Variants in TBCD observed in about 807,000 individuals in gnomAD.
TBCD encodes the protein tubulin-specific chaperone D.
In TBCD, 105 loss-of-function variants were observed where a neutral mutation model predicts 169.3. The observed-to-expected ratio is 0.62, with a 90% CI of 0.53 to 0.73. The LOEUF is 0.73. Ranked by LOEUF, TBCD falls within the 30% of genes least tolerant of loss-of-function variation. The pLI is 0.00. For missense variants in TBCD, 1,444 were observed against 1,600.1 expected, an observed-to-expected ratio of 0.90 and a Z score of 1.66; for synonymous variants, 700 against 643.9, an observed-to-expected ratio of 1.09 and a Z score of -1.32.
chr17:82,942,525 G>GC lies in TBCD; in HGVS notation c.*64dup, dbSNP rs946373861. On this transcript the variant is annotated 3_prime_UTR_variant, in exon 39 of 39. Coordinates refer to ENST00000355528, the MANE Select transcript of TBCD (RefSeq NM_005993.5). ...TGAGGATGTCTTGTTCCTGAGGGAG[G>GC]CCGGTGTGGAAAGCCTCGCACAGTG... is the stretch of plus-strand genomic sequence containing the variant. The GC allele has an allele frequency of 6.2e-7, 1 of 1,612,252 alleles. No individual in the cohort carries two copies. The highest frequency in any genetic ancestry group is 1.3e-5 in the African/African-American group (1 of 75,022).
rs1351218045 is a variant in TBCD at position 82,923,981 on chromosome 17, C to T, written c.2260+248C>T. On this transcript the variant is annotated intron_variant, in intron 26 of 38. Transcript: ENST00000355528. The surrounding 1 kb of genome is among the most constrained non-coding windows in gnomAD (Gnocchi z 4.6). Reference sequence around the variant, plus strand: ...GGGACGCGTCTCTGTTGACGGCACCCTCTTGCTCCATCACCCAGGCTGGAG... The same window carrying T: ...GGGACGCGTCTCTGTTGACGGCACCTTCTTGCTCCATCACCCAGGCTGGAG... Among the ~76,000 whole-genome samples the T allele has an allele frequency of 2.0e-5, 3 of 152,128 alleles. No homozygotes were observed. Among genetic ancestry groups the T allele is most frequent in the African/African-American group, 4.8e-5 (2 of 41,416 alleles).
chr17:82,870,120 C>G (rs2145956674), intron 13 of TBCD, 104 bp from the exon 14 acceptor site: 1 of 1,509,212 alleles, frequency 6.6e-7, no homozygotes, highest in African/African-American at 1.4e-5. Flanking sequence ...CCTCACTCAT[C>G]TGGCACCGTG....
intron 17 of TBCD, 65 bp from the exon 18 acceptor site, chr17:82,900,586 C>T (rs2146652387): frequency 1.5e-6 from 2 of 1,305,306 alleles, no homozygotes; most frequent in Non-Finnish European, 2.2e-6. Context: ...TGCTGAATTC[C>T]CACCCACAGG....
intron 13 of TBCD, among the ~76,000 whole-genome samples, chr17:82,816,598 A>C (rs964819827): frequency 1.3e-5 from 2 of 151,564 alleles, no homozygotes; most frequent in African/African-American, 2.4e-5. Flanking sequence ...TGGTGATGCA[A>C]TCTCTGCTCA....
Position 82,782,819 on chromosome 17 carries a change from G to A in TBCD, c.771+1098G>A, listed in dbSNP as rs553009787. Among the ~76,000 whole-genome samples, 7 of 149,276 alleles carry A rather than the reference G, an allele frequency of 4.7e-5. No individual in the cohort carries two copies. Among genetic ancestry groups the A allele is most frequent in the African/African-American group, 9.9e-5 (4 of 40,302 alleles). On this transcript the variant is annotated intron_variant, in intron 7 of 38. Transcript: ENST00000355528. This position sits in a 1 kb window ranked among gnomAD's most constrained non-coding sequence, Gnocchi z 5.1. ...GCGTCGTCCTGTCTGCGGTGGCGTC[G>A]TCCTGTCTGCGGTGGCGTCCTCCTG...
Position 82,922,067 on chromosome 17 carries a change from G to T in TBCD, c.2178+490G>T, listed in dbSNP as rs191015691. Among the ~76,000 whole-genome samples, 7 of 152,236 alleles carry T rather than the reference G, an allele frequency of 4.6e-5. No individual in the cohort carries two copies. The highest frequency in any genetic ancestry group is 4.1e-4 in the South Asian group (2 of 4,822). On this transcript the variant is annotated intron_variant, in intron 25 of 38. Coordinates refer to ENST00000355528, the MANE Select transcript of TBCD (RefSeq NM_005993.5). This position sits in a 1 kb window ranked among gnomAD's most constrained non-coding sequence, Gnocchi z 4.1. ...TCCTGGGGGTTACAGGTGGACTTTG[G>T]ACTCACAGAGCTGTAACGCTGATCT... is the stretch of plus-strand genomic sequence containing the variant.
At chr17:82,799,473 C>T (rs1042699546) in intron 8 of TBCD, among the ~76,000 whole-genome samples, 5 of 130,364 alleles carry the variant, frequency 3.8e-5, no homozygotes, top group Non-Finnish European at 6.7e-5. Context: ...AGAAACTATC[C>T]GAATATCAAA....
intron 13 of TBCD, among the ~76,000 whole-genome samples, chr17:82,816,010 C>T (rs191868667): frequency 4.6e-5 from 7 of 152,170 alleles, no homozygotes; most frequent in African/African-American, 9.6e-5. Flanking sequence ...ATTTAATTTC[C>T]GAACATTTTC....
In TBCD at chr17:82,915,965, C is replaced by T. The variant is rs80206557; in HGVS notation, c.2038+4176C>T. ...CCTGTCCCCTCAGCAGAGACATGGC[C>T]GGTGCTGTCGTGCCTTTCGCTTTTA... On this transcript the variant is annotated intron_variant, in intron 23 of 38. Transcript: ENST00000355528. The surrounding 1 kb of genome is among the most constrained non-coding windows in gnomAD (Gnocchi z 4.3). 0.021 allele frequency among the ~76,000 whole-genome samples: 3,242 copies of T among 152,276 alleles called. 133 individuals carry two copies. The highest frequency in any genetic ancestry group is 0.073 in the African/African-American group (3,045 of 41,534).
In TBCD at chr17:82,945,576, G is replaced by C. The variant is rs1011069021; in HGVS notation, c.*3113G>C. On this transcript the variant is annotated 3_prime_UTR_variant, in exon 39 of 39. Coordinates refer to ENST00000355528, the MANE Select transcript of TBCD (RefSeq NM_005993.5). Reference sequence around the variant, plus strand: ...GCCCACAGCATAACATTAAAGAAGAGAACAAAATTAAGTCATTTAGATAAA... The same window carrying C: ...GCCCACAGCATAACATTAAAGAAGACAACAAAATTAAGTCATTTAGATAAA... 1 of 152,170 alleles carries C rather than the reference G, an allele frequency of 6.6e-6. No individual in the cohort carries two copies. Among genetic ancestry groups the C allele is most frequent in the Non-Finnish European group, 1.5e-5 (1 of 68,022 alleles). The allele number at this position is 152,170 out of a possible 1,614,324, so 9.4% of individuals were successfully genotyped here. A position where few individuals can be genotyped will look rare whatever the true frequency, so the allele number is the denominator to read the frequency against.
Position 82,776,716 on chromosome 17 carries a change from C to T in TBCD, c.638+4209C>T, listed in dbSNP as rs111479507. 9.5e-4 allele frequency among the ~76,000 whole-genome samples: 144 copies of T among 152,234 alleles called. 3 individuals carry two copies. The Middle Eastern group carries it at 0.01, about 11-fold the overall frequency. On this transcript the variant is annotated intron_variant, in intron 6 of 38. Coordinates refer to ENST00000355528, the MANE Select transcript of TBCD (RefSeq NM_005993.5). ...ACCCGTTCTCGTGTCAGGATTGTTTCGTGAGGATGGGCCCTTAGAGATGGA... is the reference window on the plus strand; with the variant it reads ...ACCCGTTCTCGTGTCAGGATTGTTTTGTGAGGATGGGCCCTTAGAGATGGA...
chr17:82,768,579 C>G lies in TBCD; in HGVS notation c.582+13C>G. 1 of 1,612,680 alleles carries G rather than the reference C, an allele frequency of 6.2e-7. No individual in the cohort carries two copies. Among genetic ancestry groups the G allele is most frequent in the Non-Finnish European group, 8.5e-7 (1 of 1,178,926 alleles). ...CCAAATAGCAGAGGTAAATATCATG[C>G]AGATAATTAGCTGCTAATTAGTACT... On this transcript the variant is annotated intron_variant, in intron 5 of 38. Transcript: ENST00000355528.
At position 82,939,314 on chromosome 17, in the gene TBCD, G is replaced by A. The variant is rs1042976952; in HGVS notation, c.3370-53G>A. On this transcript the variant is annotated intron_variant, in intron 36 of 38. Transcript: ENST00000355528. ...CTGGCCTGGGTCCTGTCGTCTCTCC[G>A]GGGTGGGGCGGTGGCGCTTCCCTCC... 46 of 1,455,026 alleles carry A rather than the reference G, an allele frequency of 3.2e-5. 1 individual carries two copies. Among genetic ancestry groups the A allele is most frequent in the African/African-American group, 2.7e-4 (19 of 71,510 alleles). 90.1% of individuals were successfully genotyped at this position (1,455,026 alleles called of 1,614,324 possible). A position where few individuals can be genotyped will look rare whatever the true frequency, so the allele number is the denominator to read the frequency against.
chr17:82,781,317 C>CG (rs1295383712), intron 6 of TBCD, among the ~76,000 whole-genome samples: 161 of 6,430 alleles, frequency 0.025, no homozygotes, highest in African/African-American at 0.064. Flanking sequence ...AGGGGGCAGG[C>CG]GGGGGGGGAT....
chr17:82,926,370 G>A, intron 27 of TBCD, 30 bp from the exon 28 acceptor site: 1 of 1,605,756 alleles, frequency 6.2e-7, no homozygotes, highest in South Asian at 1.1e-5. Context: ...ATAGCTTATG[G>A]TTCTTCTGTG....
rs2049021598 is a variant in TBCD, at chr17:82,782,654, T to C, written c.771+933T>C. ...AGCCGCCGCGCCTGGAAGGACACTTTGGAGCGCGTTTTAGGGGAGATGATG... is the reference window on the plus strand; with the variant it reads ...AGCCGCCGCGCCTGGAAGGACACTTCGGAGCGCGTTTTAGGGGAGATGATG... On this transcript the variant is annotated intron_variant, in intron 7 of 38. Transcript: ENST00000355528. This position sits in a 1 kb window ranked among gnomAD's most constrained non-coding sequence, Gnocchi z 5.1. 6.6e-6 allele frequency among the ~76,000 whole-genome samples: 1 copy of C among 152,178 alleles called. No individual in the cohort carries two copies. The highest frequency in any genetic ancestry group is 6.5e-5 in the Admixed American group (1 of 15,280).
Position 82,920,872 on chromosome 17 carries a change from A to G in TBCD, c.2101+254A>G, listed in dbSNP as rs536537629. 1 of 503,140 alleles carries G rather than the reference A, an allele frequency of 2.0e-6. No individual in the cohort carries two copies. Among genetic ancestry groups the G allele is most frequent in the Non-Finnish European group, 3.5e-6 (1 of 282,772 alleles). 31.2% of individuals were successfully genotyped at this position (503,140 alleles called of 1,614,324 possible). A position where few individuals can be genotyped will look rare whatever the true frequency, so the allele number is the denominator to read the frequency against. On this transcript the variant is annotated intron_variant, in intron 24 of 38. Transcript: ENST00000355528. This position sits in a 1 kb window ranked among gnomAD's most constrained non-coding sequence, Gnocchi z 4.1. ...CCCCCACCTCCTCGCTTCCATGCCC[A>G]GGGCCCGGCACTCTGGGTCAGTTCT...
intron 14 of TBCD, among the ~76,000 whole-genome samples, chr17:82,882,330 C>T (rs888990992): frequency 2.6e-5 from 4 of 152,242 alleles, no homozygotes; most frequent in African/African-American, 9.6e-5. Context: ...CCCCCAGCCC[C>T]TGACGTTGGA....
At position 82,889,772 on chromosome 17, in the gene TBCD, C is replaced by T; in HGVS notation, c.1563+75C>T. 2.6e-6 allele frequency: 4 copies of T among 1,555,592 alleles called. No individual in the cohort carries two copies. Among genetic ancestry groups the T allele is most frequent in the Non-Finnish European group, 2.6e-6 (3 of 1,133,848 alleles). On this transcript the variant is annotated intron_variant, in intron 16 of 38. Coordinates refer to ENST00000355528, the MANE Select transcript of TBCD (RefSeq NM_005993.5). This position sits in a 1 kb window ranked among gnomAD's most constrained non-coding sequence, Gnocchi z 5.3. ...TAGGTAGGAATCTTGAGAGCTATAA[C>T]CCTGGTGTCTTCTCGCACTGTGAGA...
Sources: allele counts gnomAD v4.1 joint callset (sites outside exome capture counted in the v4.1 genomes callset), GRCh38; gene constraint gnomAD v4.1.1; non-coding constraint Gnocchi (gnomAD v3.1); transcripts MANE v1.5; gene names NCBI Gene and HGNC (gene_info 2026-07-23, HGNC 2026-07-21).